Variants in TENM3 observed in about 807,000 individuals in gnomAD.
TENM3 encodes teneurin-3.
TENM3 carries 63 observed loss-of-function variants against 255.1 expected under a neutral mutation model. The ratio of observed to expected loss-of-function variants is 0.25; its 90% CI spans 0.20 to 0.30. The LOEUF (loss-of-function observed/expected upper bound fraction) is 0.30. TENM3 is among the 10% of genes least tolerant of loss of function. The pLI, the probability that TENM3 is intolerant of heterozygous loss-of-function variation, is 1.00. For synonymous variants in TENM3, 1,306 were observed against 1,322.3 expected, an observed-to-expected ratio of 0.99 and a Z score of 0.27; for missense variants, 2,929 against 3,461.1, an observed-to-expected ratio of 0.85 and a Z score of 3.86.
chr4:181,974,956 G>A, the TENM3 span, among the ~76,000 whole-genome samples: 1 of 152,018 alleles, frequency 6.6e-6, no homozygotes, highest in Admixed American at 6.6e-5. Context: ...CCCTGCTTTT[G>A]GAGTTCCCGG....
At chr4:182,506,017 G>A (rs1736781738) in intron 3 of TENM3, among the ~76,000 whole-genome samples, 1 of 152,180 alleles carries the variant, frequency 6.6e-6, no homozygotes, top group African/African-American at 2.4e-5. Context: ...TGTTACAAGT[G>A]GAGGGGACCT....
intron 3 of TENM3, among the ~76,000 whole-genome samples, chr4:182,423,384 G>A (rs770175034): frequency 1.3e-4 from 19 of 151,956 alleles, no homozygotes; most frequent in Non-Finnish European, 2.5e-4. Context: ...AAATGCCTCT[G>A]AATATAGTAT....
At chr4:182,190,384 T>C (rs1163490733) in intron 1 of TENM3, 1 of 152,252 alleles carries the variant, frequency 6.6e-6, no homozygotes, top group Non-Finnish European at 1.5e-5. Context: ...CTGTTCTTTC[T>C]GCGTACCTCC....
chr4:182,461,563 G>A (rs867962974), intron 3 of TENM3, among the ~76,000 whole-genome samples: 9 of 152,244 alleles, frequency 5.9e-5, no homozygotes, highest in Middle Eastern at 3.4e-3. Flanking sequence ...CGGTGTGTTT[G>A]GGGGAAGATC....
chr4:181,986,600 G>A, the TENM3 span, among the ~76,000 whole-genome samples: 8 of 152,110 alleles, frequency 5.3e-5, no homozygotes, highest in Non-Finnish European at 8.8e-5. Flanking sequence ...TACCTATAGC[G>A]TTGTGGGATG....
chr4:181,851,086 C>T, the TENM3 span, among the ~76,000 whole-genome samples: 255 of 152,302 alleles, frequency 1.7e-3, 2 homozygotes, highest in African/African-American at 5.8e-3. Flanking sequence ...AAAGAGATAC[C>T]TCTTTTATAG....
At chr4:181,844,688 A>G in the TENM3 span, among the ~76,000 whole-genome samples, 3 of 151,954 alleles carry the variant, frequency 2.0e-5, no homozygotes, top group South Asian at 2.1e-4. Context: ...AATAAAATAA[A>G]ATAAAATAAG....
chr4:182,148,955 AT>A (rs1428417845), intron 1 of TENM3, among the ~76,000 whole-genome samples: 3 of 152,042 alleles, frequency 2.0e-5, no homozygotes, highest in Non-Finnish European at 4.4e-5. Context: ...GCATTCTAAT[AT>A]ATCCACAGTA....
chr4:181,750,640 C>T, the TENM3 span, among the ~76,000 whole-genome samples: 4 of 152,150 alleles, frequency 2.6e-5, no homozygotes, highest in Non-Finnish European at 5.9e-5. Context: ...CCTTGTATAA[C>T]ACCCCACAGA....
chr4:182,698,020 T>C (rs1454596412), intron 12 of TENM3: 8 of 152,106 alleles, frequency 5.3e-5, no homozygotes, highest in African/African-American at 1.9e-4. Flanking sequence ...TACACCAATT[T>C]CATCAAAAAA....
chr4:182,111,969 A>C, the TENM3 span, among the ~76,000 whole-genome samples: 9 of 151,864 alleles, frequency 5.9e-5, no homozygotes. Flanking sequence ...CATGGTATAC[A>C]CTCTTCTTTC....
chr4:182,324,701 A>G (rs1375972830), intron 2 of TENM3, among the ~76,000 whole-genome samples: 3 of 152,196 alleles, frequency 2.0e-5, no homozygotes, highest in Non-Finnish European at 4.4e-5. Context: ...ATTACCCCAG[A>G]TCATCTCAGG....
At chr4:182,593,712 C>G (rs146558458) in intron 3 of TENM3, among the ~76,000 whole-genome samples, 1 of 152,312 alleles carries the variant, frequency 6.6e-6, no homozygotes, top group African/African-American at 2.4e-5. Context: ...CCAGCCCACT[C>G]TCCTCCTTTC....
chr4:181,637,350 A>G, the TENM3 span, among the ~76,000 whole-genome samples: 1 of 152,200 alleles, frequency 6.6e-6, no homozygotes, highest in Non-Finnish European at 1.5e-5. Context: ...TGGCTCCCCC[A>G]GCAACTCCGG....
chr4:182,764,520 A>G (rs1415782869), intron 22 of TENM3, among the ~76,000 whole-genome samples: 3 of 152,170 alleles, frequency 2.0e-5, no homozygotes, highest in African/African-American at 7.2e-5. Flanking sequence ...GGCAAGAAAA[A>G]CTTACCAAGG....
the TENM3 span, among the ~76,000 whole-genome samples, chr4:181,595,387 C>T: frequency 2.7e-5 from 4 of 146,002 alleles, no homozygotes; most frequent in African/African-American, 5.1e-5. Context: ...GCTGAGGTCG[C>T]GCCACTGCAC....
the TENM3 span, among the ~76,000 whole-genome samples, chr4:181,805,677 C>T: frequency 6.6e-6 from 1 of 151,972 alleles, no homozygotes; most frequent in Non-Finnish European, 1.5e-5. Flanking sequence ...GGATAAATAC[C>T]TCAGTGCACG....
chr4:182,209,282 TAA>T (rs34530113), intron 1 of TENM3, among the ~76,000 whole-genome samples: 447 of 145,464 alleles, frequency 3.1e-3, no homozygotes, highest in Middle Eastern at 3.6e-3. Flanking sequence ...TGTCCCTCTT[TAA>T]AAAAAAAAAA....
chr4:182,359,346 T>C (rs1317017985), intron 3 of TENM3, among the ~76,000 whole-genome samples: 3 of 151,808 alleles, frequency 2.0e-5, no homozygotes, highest in Non-Finnish European at 2.9e-5. Flanking sequence ...ATCCATCTGG[T>C]CCTGGACTCT....
Sources: allele counts gnomAD v4.1 joint callset (sites outside exome capture counted in the v4.1 genomes callset), GRCh38; gene constraint gnomAD v4.1.1; transcripts MANE v1.5; gene names NCBI Gene and HGNC (gene_info 2026-07-23, HGNC 2026-07-21).